CAMLG: variants seen among roughly 807,000 people sequenced by gnomAD.
CAMLG encodes guided entry of tail-anchored proteins factor CAMLG.
A neutral mutation model predicts 28.9 loss-of-function variants in CAMLG; 23 were observed. The observed-to-expected ratio is 0.80, with a 90% confidence interval of 0.57 to 1.13. The LOEUF (loss-of-function observed/expected upper bound fraction) is 1.13. CAMLG is among the 50% of genes most tolerant of loss of function. The pLI, the probability that CAMLG is intolerant of heterozygous loss-of-function variation, is 0.00. For missense variants in CAMLG, 367 were observed against 371.9 expected, an observed-to-expected ratio of 0.99 and a Z score of 0.11; for synonymous variants, 141 against 146.5, an observed-to-expected ratio of 0.96 and a Z score of 0.27.
intron 3 of CAMLG, 49 bp from the exon 4 acceptor site, chr5:134,750,710 T>A: frequency 7.5e-7 from 1 of 1,333,142 alleles, no homozygotes. Flanking sequence ...TAGAGCTTAA[T>A]GTAGCCTGCT....
At chr5:134,750,192 CAT>C (rs1753098025) in intron 3 of CAMLG, among the ~76,000 whole-genome samples, 1 of 152,066 alleles carries the variant, frequency 6.6e-6, no homozygotes, top group African/African-American at 2.4e-5. Context: ...TTGTATATAT[CAT>C]AAATTGTTAT....
rs1016739652 is a variant in CAMLG at position 134,739,663 on chromosome 5, A to G, written c.172+871A>G. 8.5e-5 allele frequency among the ~76,000 whole-genome samples: 13 copies of G among 152,146 alleles called. 1 individual carries two copies. On this transcript the variant is annotated intron_variant, in intron 1 of 3. Transcript: ENST00000297156. ...TAGTCACTGGTCGCAAGCTCCTTAT[A>G]TCTTTGTGACTTTTGTTCTGTAAGG...
intron 3 of CAMLG, among the ~76,000 whole-genome samples, chr5:134,748,902 T>TC (rs1753081158): frequency 6.6e-6 from 1 of 152,170 alleles, no homozygotes; most frequent in South Asian, 2.1e-4. Flanking sequence ...CCTTTTTTTT[T>TC]CTTGGCTCAG....
intron 1 of CAMLG, among the ~76,000 whole-genome samples, chr5:134,740,180 A>G (rs1580754368): frequency 6.6e-6 from 1 of 152,124 alleles, no homozygotes; most frequent in African/African-American, 2.4e-5. Context: ...GGTGTGAGCC[A>G]TTGTGCCTGG....
At chr5:134,745,233 C>T (rs867297962) in intron 3 of CAMLG, among the ~76,000 whole-genome samples, 3 of 150,398 alleles carry the variant, frequency 2.0e-5, no homozygotes, top group African/African-American at 7.4e-5. Flanking sequence ...GTCAAGAGAT[C>T]GAGAGCATCC....
rs1753106842 is a variant in CAMLG at position 134,750,941 on chromosome 5, A to T, written c.882A>T (p.Glu294Asp). The T allele has an allele frequency of 3.7e-6, 6 of 1,612,384 alleles. No individual in the cohort carries two copies. Among genetic ancestry groups the T allele is most frequent in the Non-Finnish European group, 5.1e-6 (6 of 1,178,960 alleles). The change falls in exon 4 of 4, where the codon GAA becomes GAT. Residue 294 changes from glutamate to aspartate, a missense_variant. Glu to Asp is a conservative substitution (Grantham distance 45). Transcript: ENST00000297156. ...AACTGCTTGATTATTGGGGCTCTGA[A>T]GTACCATGAAGCCTGTAGAACTGAG... is the stretch of plus-strand genomic sequence containing the variant. ...CHELLDYWGS[E>D]VP
Position 134,740,688 on chromosome 5 carries a change from C to G in CAMLG, c.173-375C>G, listed in dbSNP as rs568497763. On this transcript the variant is annotated intron_variant, in intron 1 of 3. Transcript: ENST00000297156. ...CGCAGTGTCTGCAACCTCCTCCCCC[C>G]GGGTTTCAAGTGATTCTCCTGCCTC... Among the ~76,000 whole-genome samples, 32 of 152,290 alleles carry G rather than the reference C, an allele frequency of 2.1e-4. No individual in the cohort carries two copies. In the East Asian group the frequency reaches 5.2e-3, roughly 25 times the overall value.
At chr5:134,739,535 A>G (rs999215229) in intron 1 of CAMLG, among the ~76,000 whole-genome samples, 5 of 152,142 alleles carry the variant, frequency 3.3e-5, no homozygotes, top group East Asian at 1.9e-4. Flanking sequence ...CACATGTCCA[A>G]TGATTTTCTT....
intron 3 of CAMLG, 146 bp downstream of exon 3, chr5:134,744,198 T>C: frequency 1.8e-6 from 1 of 566,178 alleles, no homozygotes; most frequent in Non-Finnish European, 3.1e-6. Context: ...CTCCAAACTA[T>C]GTGTTTGTGT....
At chr5:134,746,010 T>G (rs376554344) in intron 3 of CAMLG, among the ~76,000 whole-genome samples, 1 of 151,348 alleles carries the variant, frequency 6.6e-6, no homozygotes, top group East Asian at 2.0e-4. Context: ...TGGTGGCGCA[T>G]GCCTGTAATC....
At chr5:134,748,777 T>G (rs73297367) in intron 3 of CAMLG, among the ~76,000 whole-genome samples, 113 of 152,320 alleles carry the variant, frequency 7.4e-4, no homozygotes, top group African/African-American at 2.5e-3. Flanking sequence ...GTGTCTGGCA[T>G]AGTAATCCAT....
chr5:134,744,527 CAAAAAAAA>C (rs751658223), intron 3 of CAMLG, among the ~76,000 whole-genome samples: 2 of 60,616 alleles, frequency 3.3e-5, no homozygotes, highest in Admixed American at 1.8e-4. Context: ...ACTCTGTCTC[CAAAAAAAA>C]AAAAAAAAAA....
At chr5:134,740,916 C>A in intron 1 of CAMLG, 147 bp from the exon 2 acceptor site, 1 of 641,910 alleles carries the variant, frequency 1.6e-6, no homozygotes, top group Non-Finnish European at 2.6e-6. Context: ...CCGAAACCAG[C>A]TTTTCTTTAA....
intron 2 of CAMLG, among the ~76,000 whole-genome samples, chr5:134,742,606 A>T (rs1752998591): frequency 6.6e-6 from 1 of 152,206 alleles, no homozygotes; most frequent in African/African-American, 2.4e-5. Flanking sequence ...TAGTATATTA[A>T]AGAATGCAGA....
chr5:134,739,195 A>T (rs1305231473), intron 1 of CAMLG, among the ~76,000 whole-genome samples: 1 of 152,154 alleles, frequency 6.6e-6, no homozygotes, highest in Non-Finnish European at 1.5e-5. Flanking sequence ...TTTTCCTTAC[A>T]GTGCCTTCTC....
In CAMLG at chr5:134,750,626, CTGAT is replaced by C. The variant is rs993550408; in HGVS notation, c.700-130_700-127del. 27 of 591,210 alleles carry C rather than the reference CTGAT, an allele frequency of 4.6e-5. No homozygotes were observed. In the East Asian group the frequency reaches 5.0e-4, roughly 11 times the overall value. 36.6% of individuals were successfully genotyped at this position (591,210 alleles called of 1,614,324 possible). A position where few individuals can be genotyped will look rare whatever the true frequency, so the allele number is the denominator to read the frequency against. On this transcript the variant is annotated intron_variant, in intron 3 of 3. Transcript: ENST00000297156. ...ATGCTCAGTAAATGTTGGTATCTTA[CTGAT>C]TGTTTTGAAACATCATTAACAGTTT...
chr5:134,738,624 G>A lies in CAMLG; in HGVS notation c.4G>A (p.Glu2Lys), dbSNP rs1214336004. Residue 2 changes from glutamate (E) to lysine (K), a missense_variant, in exon 1 of 4, where the codon GAG becomes AAG. Physicochemically the swap from Glu to Lys is moderately conservative, Grantham distance 56 (BLOSUM62 1). Transcript: ENST00000297156. ...CTCCCAGACTGTGGACGGGAGGATG[G>A]AGTCGATGGCCGTCGCTACCGACGG... M[E>K]SMAVATDGGE... The A allele has an allele frequency of 3.0e-5, 49 of 1,610,590 alleles. No homozygotes were observed. Among genetic ancestry groups the A allele is most frequent in the Non-Finnish European group, 4.1e-5 (48 of 1,179,022 alleles).
chr5:134,744,106 T>A, intron 3 of CAMLG, 54 bp downstream of exon 3: 1 of 799,722 alleles, frequency 1.3e-6, no homozygotes, highest in Non-Finnish European at 2.1e-6. Flanking sequence ...GATTTATGAC[T>A]AGCTAATTGA....
At chr5:134,749,816 G>C (rs528561870) in intron 3 of CAMLG, among the ~76,000 whole-genome samples, 3 of 152,254 alleles carry the variant, frequency 2.0e-5, no homozygotes, top group South Asian at 4.1e-4. Context: ...CCTCTTAAGA[G>C]ATCCTCCCAC....
Sources: allele counts gnomAD v4.1 joint callset (sites outside exome capture counted in the v4.1 genomes callset), GRCh38; gene constraint gnomAD v4.1.1; transcripts MANE v1.5; gene names NCBI Gene and HGNC (gene_info 2026-07-23, HGNC 2026-07-21).